The following ZNF407 variants were observed in gnomAD, a reference collection of about 807,000 sequenced individuals.
ZNF407 encodes zinc finger protein 407.
In ZNF407, 17 loss-of-function variants were observed where a neutral mutation model predicts 131.2. The ratio of observed to expected loss-of-function variants is 0.13; its 90% CI spans 0.09 to 0.19. The LOEUF is 0.19. Ranked by LOEUF, ZNF407 falls within the 10% of genes least tolerant of loss-of-function variation. The probability of loss-of-function intolerance (pLI) is 1.00; values close to 1 mark genes in which losing one functional copy is unlikely to be tolerated. For synonymous variants in ZNF407, 1,156 were observed against 1,062.0 expected (o/e 1.09, Z -1.72); for missense variants, 2,681 against 2,830.6 (o/e 0.95, Z 1.20).
At chr18:74,946,949 C>T (rs1972160118) in intron 8 of ZNF407, among the ~76,000 whole-genome samples, 1 of 152,104 alleles carries the variant, frequency 6.6e-6, no homozygotes, top group Admixed American at 6.5e-5. Context: ...TATTAGAGTT[C>T]TCAAATAAGA....
At chr18:75,006,808 A>C (rs1173489147) in intron 8 of ZNF407, among the ~76,000 whole-genome samples, 2 of 152,146 alleles carry the variant, frequency 1.3e-5, no homozygotes, top group Non-Finnish European at 2.9e-5. Flanking sequence ...GAAGTTTTTT[A>C]CTACAAGTGT....
chr18:74,657,901 TTTCTTCTTCTTCTTCTTC>T (rs58407278), intron 3 of ZNF407, among the ~76,000 whole-genome samples: 4 of 147,778 alleles, frequency 2.7e-5, no homozygotes, highest in East Asian at 2.0e-4. Flanking sequence ...CTCCTTTTCC[TTTCTTCTTCTTCTTCTTC>T]TTCTTCTTCT....
intron 3 of ZNF407, among the ~76,000 whole-genome samples, chr18:74,758,752 A>T (rs921011603): frequency 3.9e-5 from 6 of 152,028 alleles, no homozygotes; most frequent in African/African-American, 1.4e-4. Context: ...TCCCATGTCC[A>T]GCTAATTGTT....
intron 3 of ZNF407, among the ~76,000 whole-genome samples, chr18:74,698,334 T>C (rs1291802558): frequency 6.6e-6 from 1 of 152,238 alleles, no homozygotes; most frequent in Non-Finnish European, 1.5e-5. Context: ...GATGGACATA[T>C]CAACATCTAG....
intron 4 of ZNF407, among the ~76,000 whole-genome samples, chr18:74,850,382 C>G (rs1243540099): frequency 6.6e-6 from 1 of 152,058 alleles, no homozygotes; most frequent in East Asian, 1.9e-4. Context: ...TAGTATATAG[C>G]TCTTAATTGA....
chr18:74,638,662 T>C (rs1984571451), intron 2 of ZNF407, among the ~76,000 whole-genome samples: 1 of 152,146 alleles, frequency 6.6e-6, no homozygotes, highest in Non-Finnish European at 1.5e-5. Context: ...GCCTCTTTAG[T>C]TTTTCCCTTT....
chr18:74,652,279 A>G (rs1339576542), intron 3 of ZNF407, among the ~76,000 whole-genome samples: 1 of 152,140 alleles, frequency 6.6e-6, no homozygotes, highest in Non-Finnish European at 1.5e-5. Flanking sequence ...ATCATTATCT[A>G]AAACACATTT....
rs1969601501 is a variant in ZNF407, at chr18:74,781,512, A to AT, written c.4877+12dup. 2.8e-5 allele frequency: 42 copies of AT among 1,493,044 alleles called. No homozygotes were observed. Among genetic ancestry groups the AT allele is most frequent in the Middle Eastern group, 3.5e-4 (2 of 5,696 alleles). 92.5% of individuals were successfully genotyped at this position (1,493,044 alleles called of 1,614,324 possible). A position where few individuals can be genotyped will look rare whatever the true frequency, so the allele number is the denominator to read the frequency against. On this transcript the variant is annotated intron_variant, in intron 4 of 8. Coordinates refer to ENST00000299687, the MANE Select transcript of ZNF407 (RefSeq NM_017757.3). Reference sequence around the variant, plus strand: ...GCACCCCAAAAGAAAGGTAATTTTCATTCTTTTTTTTTCATTTAAAAATAC... The same window carrying AT: ...GCACCCCAAAAGAAAGGTAATTTTCATTTCTTTTTTTTTCATTTAAAAATAC...
At chr18:74,926,780 C>T (rs1158424624) in intron 8 of ZNF407, among the ~76,000 whole-genome samples, 2 of 152,016 alleles carry the variant, frequency 1.3e-5, no homozygotes, top group South Asian at 2.1e-4. Context: ...CCTGCCTGGG[C>T]GACAAGAGTG....
At chr18:74,834,023 CTGAAA>C in intron 4 of ZNF407, among the ~76,000 whole-genome samples, 1 of 152,166 alleles carries the variant, frequency 6.6e-6, no homozygotes, top group East Asian at 1.9e-4. Flanking sequence ...TCTGATTTTT[CTGAAA>C]ATAGTCTAAC....
At chr18:74,687,400 T>C (rs1368103995) in intron 3 of ZNF407, among the ~76,000 whole-genome samples, 3 of 152,026 alleles carry the variant, frequency 2.0e-5, no homozygotes, top group Non-Finnish European at 4.4e-5. Flanking sequence ...AATGGTGCTC[T>C]GTGTTAAGGA....
At chr18:75,052,322 G>A (rs535978683) in intron 8 of ZNF407, among the ~76,000 whole-genome samples, 2 of 152,092 alleles carry the variant, frequency 1.3e-5, no homozygotes, top group African/African-American at 2.4e-5. Flanking sequence ...GGAGTCGCGC[G>A]CTTATGCTAG....
intron 4 of ZNF407, among the ~76,000 whole-genome samples, chr18:74,848,378 TA>T (rs1198377961): frequency 2.6e-5 from 4 of 152,030 alleles, no homozygotes; most frequent in Non-Finnish European, 4.4e-5. Flanking sequence ...AATAAAACCG[TA>T]AAAAAGAATG....
intron 8 of ZNF407, among the ~76,000 whole-genome samples, chr18:75,028,345 C>T (rs1973196028): frequency 6.6e-6 from 1 of 152,170 alleles, no homozygotes; most frequent in South Asian, 2.1e-4. Flanking sequence ...TTCCCTGTGT[C>T]TTCACGTGGC....
At chr18:74,820,458 T>C (rs922228728) in intron 4 of ZNF407, among the ~76,000 whole-genome samples, 1 of 152,224 alleles carries the variant, frequency 6.6e-6, no homozygotes, top group Non-Finnish European at 1.5e-5. Flanking sequence ...TGGATGGCTC[T>C]CAGGGCCTGC....
Position 74,832,074 on chromosome 18 carries a change from G to A in ZNF407, c.4878-45123G>A, listed in dbSNP as rs1194701446. 2.0e-5 allele frequency among the ~76,000 whole-genome samples: 3 copies of A among 152,168 alleles called. No individual in the cohort carries two copies. In the East Asian group the frequency reaches 5.8e-4, roughly 29 times the overall value. ...CTTTGATCCATCAAGATGAGCAGTT[G>A]GAGAGTCTTCATGTGGGGAGATGAT... is the stretch of plus-strand genomic sequence containing the variant. On this transcript the variant is annotated intron_variant, in intron 4 of 8. Transcript: ENST00000299687.
chr18:74,860,868 A>T (rs1970928460), intron 4 of ZNF407, among the ~76,000 whole-genome samples: 1 of 152,142 alleles, frequency 6.6e-6, no homozygotes, highest in African/African-American at 2.4e-5. Context: ...AAATAGTAAC[A>T]CTTATGTATT....
chr18:74,949,965 A>G (rs542649535), intron 8 of ZNF407, among the ~76,000 whole-genome samples: 4 of 152,314 alleles, frequency 2.6e-5, no homozygotes, highest in East Asian at 1.9e-4. Flanking sequence ...CCCACTGGCT[A>G]TGGTTAAGCT....
Position 75,064,453 on chromosome 18 carries a change from A to G in ZNF407, c.6732A>G (p.Glu2244=), listed in dbSNP as rs1488373136. ...AAIQSQRESS[E]LQEA is the part of the protein sequence containing the mutation. ...TTCAGAGCCAAAGAGAAAGCAGCGA[A>G]CTCCAGGAAGCATGAGACGCGCGGC... Residue 2244 remains glutamate, a synonymous_variant, in exon 9 of 9, where the codon GAA becomes GAG. Transcript: ENST00000299687. The G allele has an allele frequency of 1.7e-5, 25 of 1,492,262 alleles. No homozygotes were observed. Among genetic ancestry groups the G allele is most frequent in the Non-Finnish European group, 2.1e-5 (23 of 1,118,386 alleles). 92.4% of individuals were successfully genotyped at this position (1,492,262 alleles called of 1,614,324 possible).
Sources: gnomAD v4.1 joint callset for allele counts (sites outside exome capture counted in the v4.1 genomes callset) on GRCh38, gnomAD v4.1.1 for gene constraint, MANE v1.5 for transcripts, NCBI Gene and HGNC (gene_info 2026-07-23, HGNC 2026-07-21) for gene names.